TTLL3: variants seen among roughly 807,000 people sequenced by gnomAD.
TTLL3 encodes the protein tubulin monoglycylase TTLL3.
TTLL3 carries 63 observed loss-of-function variants against 75.2 expected under a neutral mutation model. That is an observed-to-expected ratio of 0.84 (90% CI 0.68 to 1.03). The LOEUF (loss-of-function observed/expected upper bound fraction) is 1.03, where lower values mean the gene tolerates loss of function less well. Ranked by LOEUF, TTLL3 falls within the 50% of genes least tolerant of loss-of-function variation. TTLL3 has a pLI of 0.00. For synonymous variants in TTLL3, 393 were observed against 418.5 expected (o/e 0.94, Z 0.74); for missense variants, 997 against 1,069.9 (o/e 0.93, Z 0.95).
chr3:9,819,438 A>G, intron 7 of TTLL3: 13 of 939,820 alleles, frequency 1.4e-5, no homozygotes, highest in Non-Finnish European at 1.7e-5. Context: ...TGGGCCTGGC[A>G]TGTAGCCGAG....
At position 9,813,235 on chromosome 3, in the gene TTLL3, T is replaced by C. The variant is rs755349432; in HGVS notation, c.218-13T>C. On this transcript the variant is annotated splice_polypyrimidine_tract_variant and intron_variant, in intron 3 of 13. Transcript: ENST00000685419. ...GAGAGGAAACTCATCAGCTCTGGGCTCTGCATCCACAGAGGATGAAGATGA... is the reference window on the plus strand; with the variant it reads ...GAGAGGAAACTCATCAGCTCTGGGCCCTGCATCCACAGAGGATGAAGATGA... 7 of 1,614,096 alleles carry C rather than the reference T, an allele frequency of 4.3e-6. No homozygotes were observed. Among genetic ancestry groups the C allele is most frequent in the Admixed American group, 1.7e-5 (1 of 60,008 alleles).
In TTLL3 at chr3:9,825,924, C is replaced by G; in HGVS notation, c.979C>G (p.Pro327Ala). The part of the protein sequence containing the change: ...EGDRNIWIVK[P>A]GAKSRGRGIM... ...GGATCGCAACATCTGGATCGTGAAG[C>G]CAGGAGCCAAGTCCCGCGGACGAGG... The change falls in exon 9 of 14, where the codon CCA becomes GCA. Residue 327 changes from proline to alanine, a missense_variant. Coordinates refer to ENST00000685419, the MANE Select transcript of TTLL3 (RefSeq NM_001387446.1). 1.9e-6 allele frequency: 3 copies of G among 1,613,836 alleles called. No homozygotes were observed. The highest frequency in any genetic ancestry group is 2.5e-6 in the Non-Finnish European group (3 of 1,179,770).
chr3:9,833,235 C>CT lies in TTLL3; in HGVS notation c.1816dup (p.Ser606PhefsTer41). On this transcript the variant is annotated frameshift_variant, in exon 12 of 14. Coordinates refer to ENST00000685419, the MANE Select transcript of TTLL3 (RefSeq NM_001387446.1). LOFTEE classifies it high-confidence loss of function. Reference sequence around the variant, plus strand: ...CAGTCCCTCTGCTGACCCAGCGAGGCTCTGGGGAAGGCAAGGACTCGGGGA... The same window carrying CT: ...CAGTCCCTCTGCTGACCCAGCGAGGCTTCTGGGGAAGGCAAGGACTCGGGGA... 6.2e-7 allele frequency: 1 copy of CT among 1,614,012 alleles called. No homozygotes were observed. The highest frequency in any genetic ancestry group is 8.5e-7 in the Non-Finnish European group (1 of 1,179,960).
chr3:9,821,741 G>A (rs980861978), intron 8 of TTLL3, among the ~76,000 whole-genome samples: 1 of 152,172 alleles, frequency 6.6e-6, no homozygotes, highest in Non-Finnish European at 1.5e-5. Context: ...GGTGGCTCAC[G>A]CCTGTAATCC....
Position 9,810,857 on chromosome 3 carries a change from C to A in TTLL3, c.48+148C>A. On this transcript the variant is annotated intron_variant, in intron 2 of 13. Coordinates refer to ENST00000685419, the MANE Select transcript of TTLL3 (RefSeq NM_001387446.1). The surrounding 1 kb of genome is among the most constrained non-coding windows in gnomAD (Gnocchi z 4.4). ...AACCACCACACCCATCTTCAACTACCTCCCCGTTTACCCCTTCAGCACCAA... is the reference window on the plus strand; with the variant it reads ...AACCACCACACCCATCTTCAACTACATCCCCGTTTACCCCTTCAGCACCAA... 1 of 754,312 alleles carries A rather than the reference C, an allele frequency of 1.3e-6. No individual in the cohort carries two copies. The highest frequency in any genetic ancestry group is 2.1e-6 in the Non-Finnish European group (1 of 475,866). The allele number at this position is 754,312 out of a possible 1,614,324, so 46.7% of individuals were successfully genotyped here.
In TTLL3 at chr3:9,835,442, G is replaced by A. The variant is rs759027695; in HGVS notation, c.2401G>A (p.Val801Met). The change falls in exon 14 of 14, where the codon GTG (valine) becomes ATG (methionine). Residue 801 changes from valine to methionine, a missense_variant. Physicochemically the swap from Val to Met is conservative, Grantham distance 21. Transcript: ENST00000685419. ...LDSIAVGGSRVDGARPCTPGS... is the reference protein window; with the variant it reads ...LDSIAVGGSRMDGARPCTPGS... ...CTCCATTGCTGTTGGAGGGTCAAGAGTGGATGGGGCGAGGCCGTGTACCCC... is the reference window on the plus strand; with the variant it reads ...CTCCATTGCTGTTGGAGGGTCAAGAATGGATGGGGCGAGGCCGTGTACCCC... 7 of 1,611,954 alleles carry A rather than the reference G, an allele frequency of 4.3e-6. No homozygotes were observed. The Admixed American group carries it at 8.3e-5, about 19-fold the overall frequency.
chr3:9,817,852 A>C (rs1483885886), intron 6 of TTLL3, 93 bp downstream of exon 6: 1 of 1,521,294 alleles, frequency 6.6e-7, no homozygotes, highest in Non-Finnish European at 9.0e-7. Context: ...GCCTCTCTTC[A>C]TGCCCTCATC....
intron 6 of TTLL3, chr3:9,818,602 T>C (rs2080114124): frequency 2.3e-6 from 3 of 1,313,928 alleles, no homozygotes; most frequent in Non-Finnish European, 3.0e-6. Context: ...TCTCCTGACC[T>C]CATGATCCAT....
chr3:9,812,058 A>T (rs2079404591), intron 2 of TTLL3, among the ~76,000 whole-genome samples: 1 of 152,162 alleles, frequency 6.6e-6, no homozygotes. Context: ...CGTAAAATGG[A>T]GATAACAGTA....
chr3:9,814,136 CTAAAAAAACAAACAAA>C lies in TTLL3; in HGVS notation c.315+811_315+826del, dbSNP rs1372315471. 2.0e-4 allele frequency among the ~76,000 whole-genome samples: 31 copies of C among 151,654 alleles called. No homozygotes were observed. In the East Asian group the frequency reaches 2.3e-3, roughly 11 times the overall value. On this transcript the variant is annotated intron_variant, in intron 4 of 13. Coordinates refer to ENST00000685419, the MANE Select transcript of TTLL3 (RefSeq NM_001387446.1). ...CCAACGTGGTGAAAACCCATCTCTA[CTAAAAAAACAAACAAA>C]TAAAAAAACAAACAAATAACAACAA...
Position 9,835,352 on chromosome 3 carries a change from C to G in TTLL3, c.2311C>G (p.Pro771Ala). 1 of 1,614,168 alleles carries G rather than the reference C, an allele frequency of 6.2e-7. No homozygotes were observed. The highest frequency in any genetic ancestry group is 8.5e-7 in the Non-Finnish European group (1 of 1,180,032). ...GCTAGGGAAGCCCCTGCTTCGATTC[C>G]CCACTGCCCTTGTCCTGGATCCAAC... ...MKLGKPLLRF[P>A]TALVLDPTPN... is the part of the protein sequence containing the mutation. Residue 771 changes from proline (P) to alanine (A), a missense_variant, in exon 14 of 14, where the codon CCC becomes GCC. By Grantham distance (27) the Pro-to-Ala change is conservative. Transcript: ENST00000685419.
rs1335681409 is a variant in TTLL3 at position 9,833,263 on chromosome 3, C to G, written c.1825+18C>G. On this transcript the variant is annotated intron_variant, in intron 12 of 13. Coordinates refer to ENST00000685419, the MANE Select transcript of TTLL3 (RefSeq NM_001387446.1). ...TGGGGAAGGCAAGGACTCGGGGACC[C>G]CTACCCACAGGTCAGCTTCTAGGAA... is the stretch of plus-strand genomic sequence containing the variant. 1.9e-6 allele frequency: 3 copies of G among 1,613,108 alleles called. No homozygotes were observed. Among genetic ancestry groups the G allele is most frequent in the East Asian group, 4.5e-5 (2 of 44,850 alleles).
intron 11 of TTLL3, among the ~76,000 whole-genome samples, chr3:9,830,420 A>G (rs1181735062): frequency 6.6e-6 from 1 of 152,152 alleles, no homozygotes; most frequent in Non-Finnish European, 1.5e-5. Flanking sequence ...TGAGTTCTGG[A>G]TAGAATTTCT....
At chr3:9,815,677 T>A (rs905037071) in intron 4 of TTLL3, among the ~76,000 whole-genome samples, 1 of 152,236 alleles carries the variant, frequency 6.6e-6, no homozygotes, top group Non-Finnish European at 1.5e-5. Flanking sequence ...CCCTGCCCCC[T>A]CAGCAGCTAT....
chr3:9,818,016 A>G (rs1257711216), intron 6 of TTLL3: 1 of 414,704 alleles, frequency 2.4e-6, no homozygotes, highest in Admixed American at 3.9e-5. Flanking sequence ...AAAGTTGGTC[A>G]GTCCCTTGAG....
intron 3 of TTLL3, 55 bp from the exon 4 acceptor site, chr3:9,813,193 A>G (rs562702971): frequency 6.2e-7 from 1 of 1,613,386 alleles, no homozygotes; most frequent in East Asian, 2.2e-5. Flanking sequence ...TTGAGGCCTT[A>G]TGGGCTATGG....
chr3:9,830,851 G>A (rs145623923), intron 11 of TTLL3, among the ~76,000 whole-genome samples: 1 of 152,090 alleles, frequency 6.6e-6, no homozygotes, highest in Non-Finnish European at 1.5e-5. Context: ...TGCCTAGGCT[G>A]GAGTGCAGTG....
chr3:9,829,296 G>A lies in TTLL3; in HGVS notation c.1584G>A (p.Arg528=). 6.2e-7 allele frequency: 1 copy of A among 1,614,064 alleles called. No individual in the cohort carries two copies. The highest frequency in any genetic ancestry group is 8.5e-7 in the Non-Finnish European group (1 of 1,180,018). Residue 528 remains arginine, a synonymous_variant, in exon 11 of 14, where the codon CGG becomes CGA. Coordinates refer to ENST00000685419, the MANE Select transcript of TTLL3 (RefSeq NM_001387446.1). ...TMAPSTAVTA[R]LCAGVQADTL... is the part of the protein sequence containing the mutation. ...CACCCTCCACAGCAGTCACTGCCCG[G>A]CTCTGTGCTGGCGTGCAAGCTGACA... is the stretch of plus-strand genomic sequence containing the variant.
At chr3:9,833,565 T>C (rs1285751616) in intron 12 of TTLL3, among the ~76,000 whole-genome samples, 1 of 151,972 alleles carries the variant, frequency 6.6e-6, no homozygotes, top group Non-Finnish European at 1.5e-5. Context: ...AACACCCGAG[T>C]GTTCCAAGGC....
Sources: allele counts gnomAD v4.1 joint callset (sites outside exome capture counted in the v4.1 genomes callset), GRCh38; gene constraint gnomAD v4.1.1; non-coding constraint Gnocchi (gnomAD v3.1); transcripts MANE v1.5; gene names NCBI Gene and HGNC (gene_info 2026-07-23, HGNC 2026-07-21).